Variants in ADAMTS12 observed in about 807,000 individuals in gnomAD.
ADAMTS12 encodes A disintegrin and metalloproteinase with thrombospondin motifs 12.
In ADAMTS12, 118 loss-of-function variants were observed where a neutral mutation model predicts 167.8. The ratio of observed to expected loss-of-function variants is 0.70; its 90% CI spans 0.61 to 0.82. ADAMTS12 has a LOEUF of 0.82. Among genes scored for constraint, ADAMTS12 ranks in the 40% least tolerant of loss-of-function variants. The pLI, the probability that ADAMTS12 is intolerant of heterozygous loss-of-function variation, is 0.00. For missense variants in ADAMTS12, 1,916 were observed against 1,998.8 expected (o/e 0.96, Z 0.79); for synonymous variants, 704 against 716.9 (o/e 0.98, Z 0.29).
intron 13 of ADAMTS12, among the ~76,000 whole-genome samples, chr5:33,626,852 G>A (rs894696565): frequency 6.6e-6 from 1 of 151,046 alleles, no homozygotes; most frequent in South Asian, 2.1e-4. Flanking sequence ...GGTAATGGTG[G>A]TGGTGATTTG....
At chr5:33,561,260 G>C in intron 19 of ADAMTS12, 81 bp from the exon 20 acceptor site, 1 of 1,541,646 alleles carries the variant, frequency 6.5e-7, no homozygotes, top group African/African-American at 1.4e-5. Context: ...CCTGGAGTCA[G>C]TTCTCAGTCC....
intron 3 of ADAMTS12, among the ~76,000 whole-genome samples, chr5:33,729,521 C>T (rs2112350154): frequency 6.6e-6 from 1 of 152,348 alleles, no homozygotes; most frequent in African/African-American, 2.4e-5. Flanking sequence ...TTTTCAAGAC[C>T]TAACTGGCTT....
chr5:33,570,614 C>T (rs949856934), intron 19 of ADAMTS12, among the ~76,000 whole-genome samples: 1 of 152,074 alleles, frequency 6.6e-6, no homozygotes, highest in Admixed American at 6.5e-5. Context: ...CATGGAAAGG[C>T]ACAACCGGTA....
chr5:33,668,411 T>A (rs1741547591), intron 5 of ADAMTS12, among the ~76,000 whole-genome samples: 1 of 152,232 alleles, frequency 6.6e-6, no homozygotes, highest in South Asian at 2.1e-4. Flanking sequence ...TGTGTTCTGA[T>A]ATTTAGTGGT....
chr5:33,862,928 C>A (rs762008732), intron 2 of ADAMTS12, among the ~76,000 whole-genome samples: 2 of 152,056 alleles, frequency 1.3e-5, no homozygotes, highest in African/African-American at 2.4e-5. Context: ...ATAAACAGAA[C>A]CAACGACAAA....
intron 3 of ADAMTS12, among the ~76,000 whole-genome samples, chr5:33,713,867 A>G (rs570546920): frequency 1.3e-5 from 2 of 152,272 alleles, no homozygotes; most frequent in Admixed American, 6.5e-5. Flanking sequence ...GAGACATTAA[A>G]AAACCCAGTA....
chr5:33,799,958 G>C (rs573128479), intron 2 of ADAMTS12, among the ~76,000 whole-genome samples: 28 of 152,316 alleles, frequency 1.8e-4, no homozygotes, highest in African/African-American at 6.0e-4. Context: ...TTCTGGGTTA[G>C]TGGGGAAGGG....
chr5:33,618,052 TAAC>T (rs1242593983), intron 14 of ADAMTS12, among the ~76,000 whole-genome samples: 1 of 152,200 alleles, frequency 6.6e-6, no homozygotes, highest in Non-Finnish European at 1.5e-5. Context: ...TCTCCAAACT[TAAC>T]AACTTGACCA....
At chr5:33,807,460 T>C (rs1367334251) in intron 2 of ADAMTS12, among the ~76,000 whole-genome samples, 1 of 152,224 alleles carries the variant, frequency 6.6e-6, no homozygotes, top group Non-Finnish European at 1.5e-5. Flanking sequence ...TCCTCATCTA[T>C]AAAATAATGT....
chr5:33,546,491 AG>A (rs1186615394), intron 21 of ADAMTS12, among the ~76,000 whole-genome samples: 1 of 152,230 alleles, frequency 6.6e-6, no homozygotes, highest in Non-Finnish European at 1.5e-5. Flanking sequence ...ATAATGATTT[AG>A]ATTTTTTATA....
chr5:33,857,195 T>G (rs1749432275), intron 2 of ADAMTS12, among the ~76,000 whole-genome samples: 1 of 152,178 alleles, frequency 6.6e-6, no homozygotes, highest in African/African-American at 2.4e-5. Flanking sequence ...CTCACTTATA[T>G]GTGGAACCAA....
chr5:33,812,463 A>C (rs1445911), intron 2 of ADAMTS12, among the ~76,000 whole-genome samples: 66,665 of 152,120 alleles, frequency 0.44, 14,919 homozygotes, highest in Non-Finnish European at 0.47. Context: ...CAAGTTACTC[A>C]CCTCAAGATC....
At chr5:33,577,672 C>T (rs1423880987) in intron 18 of ADAMTS12, among the ~76,000 whole-genome samples, 1 of 152,170 alleles carries the variant, frequency 6.6e-6, no homozygotes, top group African/African-American at 2.4e-5. Flanking sequence ...TTTTCACTTG[C>T]CTATGGCAGG....
intron 2 of ADAMTS12, among the ~76,000 whole-genome samples, chr5:33,833,091 T>C (rs1748367608): frequency 6.6e-6 from 1 of 152,236 alleles, no homozygotes; most frequent in Non-Finnish European, 1.5e-5. Context: ...GAGTCACTGC[T>C]GCCATTTTTT....
intron 12 of ADAMTS12, among the ~76,000 whole-genome samples, chr5:33,637,308 T>C (rs893175942): frequency 6.6e-6 from 1 of 152,204 alleles, no homozygotes; most frequent in African/African-American, 2.4e-5. Context: ...AATGGCTCAA[T>C]TGCACCTCAG....
At chr5:33,632,586 T>C (rs1554029965) in intron 12 of ADAMTS12, among the ~76,000 whole-genome samples, 1 of 152,148 alleles carries the variant, frequency 6.6e-6, no homozygotes, top group African/African-American at 2.4e-5. Context: ...AAAGCGTGAC[T>C]TGGGATTATT....
At chr5:33,543,295 C>T (rs192419294) in intron 22 of ADAMTS12, among the ~76,000 whole-genome samples, 1 of 152,254 alleles carries the variant, frequency 6.6e-6, no homozygotes, top group East Asian at 1.9e-4. Flanking sequence ...CACATACACC[C>T]TACCAAGGCT....
At chr5:33,744,272 A>C (rs1158697179) in intron 3 of ADAMTS12, among the ~76,000 whole-genome samples, 1 of 152,194 alleles carries the variant, frequency 6.6e-6, no homozygotes, top group East Asian at 1.9e-4. Context: ...TCACAGAATA[A>C]GTAGAAGTCA....
chr5:33,724,638 G>A (rs1743913228), intron 3 of ADAMTS12, among the ~76,000 whole-genome samples: 1 of 149,724 alleles, frequency 6.7e-6, no homozygotes, highest in Admixed American at 6.7e-5. Context: ...TGCAAGCTCC[G>A]CCTCCCGGGT....
Sources: gnomAD v4.1 joint callset for allele counts (sites outside exome capture counted in the v4.1 genomes callset) on GRCh38, gnomAD v4.1.1 for gene constraint, MANE v1.5 for transcripts, NCBI Gene and HGNC (gene_info 2026-07-23, HGNC 2026-07-21) for gene names.